KIAA0825: variants seen among roughly 807,000 people sequenced by gnomAD.
KIAA0825 encodes uncharacterized protein KIAA0825.
In KIAA0825, 119 loss-of-function variants were observed where a neutral mutation model predicts 147.6. That is an observed-to-expected ratio of 0.81 (90% CI 0.69 to 0.94). The LOEUF is 0.94. Ranked by LOEUF, KIAA0825 falls within the 40% of genes least tolerant of loss-of-function variation. The probability of loss-of-function intolerance (pLI) is 0.00; values close to 1 mark genes in which losing one functional copy is unlikely to be tolerated. For missense variants in KIAA0825, 1,381 were observed against 1,472.7 expected (o/e 0.94, Z 1.02); for synonymous variants, 470 against 518.1 (o/e 0.91, Z 1.26).
chr5:94,185,801 T>G (rs1770066204), intron 20 of KIAA0825, among the ~76,000 whole-genome samples: 1 of 152,324 alleles, frequency 6.6e-6, no homozygotes, highest in South Asian at 2.1e-4. Context: ...ATTTTAAAAT[T>G]AGAAAATATG....
chr5:94,377,962 G>C (rs546393062), intron 20 of KIAA0825, among the ~76,000 whole-genome samples: 1 of 152,246 alleles, frequency 6.6e-6, no homozygotes, highest in East Asian at 1.9e-4. Context: ...AGATTTATAA[G>C]TCTTGGAGTA....
intron 17 of KIAA0825, among the ~76,000 whole-genome samples, chr5:94,394,706 C>T (rs1750395496): frequency 1.3e-5 from 2 of 152,142 alleles, no homozygotes. Context: ...TTTTTCCGCT[C>T]CCCTTTATAA....
chr5:94,412,313 G>A (rs1054032035), intron 15 of KIAA0825, among the ~76,000 whole-genome samples: 69 of 152,162 alleles, frequency 4.5e-4, no homozygotes, highest in Non-Finnish European at 8.7e-4. Context: ...CTCAAGTGTT[G>A]ACAAGAATAT....
At chr5:94,314,616 A>C (rs1779475983) in intron 20 of KIAA0825, among the ~76,000 whole-genome samples, 1 of 151,634 alleles carries the variant, frequency 6.6e-6, no homozygotes, top group Non-Finnish European at 1.5e-5. Context: ...TAGCAAAAGA[A>C]AAAAGTGTCT....
chr5:94,266,375 A>C (rs1776737426), intron 20 of KIAA0825, among the ~76,000 whole-genome samples: 1 of 149,176 alleles, frequency 6.7e-6, no homozygotes, highest in South Asian at 2.1e-4. Flanking sequence ...CCAAATTAAC[A>C]ACTCATGATG....
Position 94,183,096 on chromosome 5 carries a change from A to G in KIAA0825, c.3711-28972T>C, listed in dbSNP as rs1209081905. ...ACTACCAAAAAAATTCTGTACAGCC[A>G]GAAATGAATCCTTTGGAAAGGATTC... On this transcript the variant is annotated intron_variant, in intron 20 of 20. Coordinates refer to ENST00000682413, the MANE Select transcript of KIAA0825 (RefSeq NM_001145678.3). 2.6e-5 allele frequency among the ~76,000 whole-genome samples: 4 copies of G among 152,294 alleles called. No homozygotes were observed. The East Asian group carries it at 5.8e-4, about 22-fold the overall frequency.
intron 20 of KIAA0825, among the ~76,000 whole-genome samples, chr5:94,256,136 A>G (rs1776242354): frequency 1.3e-5 from 2 of 152,100 alleles, no homozygotes; most frequent in African/African-American, 2.4e-5. Flanking sequence ...GCTCTGTAAA[A>G]TGAGGAGCTG....
At chr5:94,456,978 T>C (rs552447883) in intron 12 of KIAA0825, among the ~76,000 whole-genome samples, 3 of 152,206 alleles carry the variant, frequency 2.0e-5, no homozygotes, top group Non-Finnish European at 2.9e-5. Flanking sequence ...ATATGGTATT[T>C]ACCTGAGCAT....
chr5:94,514,152 T>A (rs1382216129), intron 5 of KIAA0825, among the ~76,000 whole-genome samples: 1 of 152,130 alleles, frequency 6.6e-6, no homozygotes, highest in African/African-American at 2.4e-5. Flanking sequence ...GTGAAAAGGA[T>A]CTCAAACCTG....
chr5:94,306,989 C>T (rs1463814454), intron 20 of KIAA0825, among the ~76,000 whole-genome samples: 1 of 151,668 alleles, frequency 6.6e-6, no homozygotes, highest in Non-Finnish European at 1.5e-5. Context: ...GTATCTATAC[C>T]CACCTCTACA....
chr5:94,193,223 A>T (rs539678847), intron 20 of KIAA0825, among the ~76,000 whole-genome samples: 1 of 152,288 alleles, frequency 6.6e-6, no homozygotes, highest in Admixed American at 6.5e-5. Flanking sequence ...GGCGTGCCAG[A>T]ACCCAGGGGG....
chr5:94,537,166 C>G, intron 2 of KIAA0825, 39 bp from the exon 3 acceptor site: 1 of 1,552,796 alleles, frequency 6.4e-7, no homozygotes, highest in Non-Finnish European at 8.7e-7. Context: ...TGTCAGTTCC[C>G]CCACAATGGC....
intron 5 of KIAA0825, among the ~76,000 whole-genome samples, chr5:94,495,284 G>A (rs549170446): frequency 6.6e-6 from 1 of 152,264 alleles, no homozygotes; most frequent in Admixed American, 6.5e-5. Context: ...AAATTTTATA[G>A]TTAATCTTAC....
intron 20 of KIAA0825, among the ~76,000 whole-genome samples, chr5:94,169,363 C>T (rs754122372): frequency 1.3e-5 from 2 of 152,104 alleles, no homozygotes; most frequent in African/African-American, 2.4e-5. Context: ...AGGTGGATCA[C>T]CTGAGGTCAG....
chr5:94,412,965 T>G (rs939556236), intron 15 of KIAA0825: 1 of 151,630 alleles, frequency 6.6e-6, no homozygotes, highest in African/African-American at 2.4e-5. Context: ...GATTTTTTTT[T>G]TTTTTTTTGA....
intron 20 of KIAA0825, among the ~76,000 whole-genome samples, chr5:94,247,384 G>A (rs1775685406): frequency 6.6e-6 from 1 of 152,084 alleles, no homozygotes; most frequent in African/African-American, 2.4e-5. Context: ...AAATCTGAAA[G>A]GTGTTAGAAT....
At chr5:94,496,780 C>G (rs1243003859) in intron 5 of KIAA0825, among the ~76,000 whole-genome samples, 1 of 152,118 alleles carries the variant, frequency 6.6e-6, no homozygotes, top group African/African-American at 2.4e-5. Context: ...GGGATTGAGG[C>G]CCTGAATTTT....
chr5:94,500,927 G>A (rs965722910), intron 5 of KIAA0825, among the ~76,000 whole-genome samples: 6 of 151,914 alleles, frequency 3.9e-5, no homozygotes, highest in African/African-American at 7.3e-5. Flanking sequence ...ACAGGTGCCC[G>A]CCACCACACC....
intron 2 of KIAA0825, among the ~76,000 whole-genome samples, chr5:94,544,297 T>C (rs1211365415): frequency 6.6e-6 from 1 of 152,216 alleles, no homozygotes; most frequent in Non-Finnish European, 1.5e-5. Flanking sequence ...TTTTCAACTT[T>C]GTTGAGAAAA....
Sources: gnomAD v4.1 joint callset for allele counts (sites outside exome capture counted in the v4.1 genomes callset) on GRCh38, gnomAD v4.1.1 for gene constraint, MANE v1.5 for transcripts, NCBI Gene and HGNC (gene_info 2026-07-23, HGNC 2026-07-21) for gene names.